Variants in AUH observed in about 807,000 individuals in gnomAD.
The protein encoded by AUH is methylglutaconyl-CoA hydratase, mitochondrial.
AUH carries 29 observed loss-of-function variants against 42.3 expected under a neutral mutation model. That is an observed-to-expected ratio of 0.69 (90% CI 0.51 to 0.93). The LOEUF (loss-of-function observed/expected upper bound fraction) is 0.93, where lower values mean the gene tolerates loss of function less well. Ranked by LOEUF, AUH falls within the 40% of genes least tolerant of loss-of-function variation. AUH has a pLI of 0.00. For missense variants in AUH, 452 were observed against 438.1 expected, an observed-to-expected ratio of 1.03 and a Z score of -0.28; for synonymous variants, 174 against 166.4, an observed-to-expected ratio of 1.05 and a Z score of -0.35.
intron 6 of AUH, among the ~76,000 whole-genome samples, chr9:91,231,518 C>A (rs971378599): frequency 6.6e-6 from 1 of 152,194 alleles, no homozygotes; most frequent in African/African-American, 2.4e-5. Flanking sequence ...CCGTCTTCTG[C>A]GTAGCTCAGG....
At chr9:91,351,636 A>T (rs1248263606) in intron 3 of AUH, among the ~76,000 whole-genome samples, 1 of 152,168 alleles carries the variant, frequency 6.6e-6, no homozygotes, top group Non-Finnish European at 1.5e-5. Context: ...ACACAGCAGG[A>T]GGTGAGCACA....
chr9:91,361,890 G>C lies in AUH; in HGVS notation c.-1C>G. On this transcript the variant is annotated 5_prime_UTR_variant, in exon 1 of 10. Transcript: ENST00000375731. ...GTGCCGCCGCCACCGCGGCCGCCATGTTGTCTGTTTACGGCGTGGACCTGC... is the reference window on the plus strand; with the variant it reads ...GTGCCGCCGCCACCGCGGCCGCCATCTTGTCTGTTTACGGCGTGGACCTGC... 2 of 1,463,632 alleles carry C rather than the reference G, an allele frequency of 1.4e-6. No homozygotes were observed. The highest frequency in any genetic ancestry group is 1.3e-5 in the South Asian group (1 of 76,058). The allele number at this position is 1,463,632 out of a possible 1,614,324, so 90.7% of individuals were successfully genotyped here.
chr9:91,322,620 C>A lies in AUH; in HGVS notation c.505+2698G>T, dbSNP rs141317870. 2.0e-3 allele frequency among the ~76,000 whole-genome samples: 308 copies of A among 152,272 alleles called. 1 individual carries two copies. Among genetic ancestry groups the A allele is most frequent in the African/African-American group, 7.1e-3 (295 of 41,550 alleles). On this transcript the variant is annotated intron_variant, in intron 4 of 9. Coordinates refer to ENST00000375731, the MANE Select transcript of AUH (RefSeq NM_001698.3). The stretch of plus-strand genomic sequence containing the variant: ...TGTCAAATGGTCAAATTCTACAATT[C>A]TTTCAAGTAAAATGATTTGTTCTGT...
At chr9:91,244,191 C>T (rs1234699279) in intron 6 of AUH, among the ~76,000 whole-genome samples, 1 of 152,160 alleles carries the variant, frequency 6.6e-6, no homozygotes, top group South Asian at 2.1e-4. Flanking sequence ...CTACCCACAA[C>T]ATATAAAATG....
intron 4 of AUH, among the ~76,000 whole-genome samples, chr9:91,315,953 G>A (rs118107799): frequency 2.6e-3 from 400 of 152,276 alleles, no homozygotes; most frequent in Non-Finnish European, 4.5e-3. Context: ...TAAAAAATAA[G>A]TCATACTTTC....
intron 6 of AUH, among the ~76,000 whole-genome samples, chr9:91,224,374 T>C (rs922387099): frequency 2.0e-5 from 3 of 152,204 alleles, no homozygotes; most frequent in African/African-American, 7.2e-5. Context: ...TTATCAGATA[T>C]AGACTTGCAA....
At position 91,245,202 on chromosome 9, in the gene AUH, G is replaced by T. The variant is rs545751251; in HGVS notation, c.656-24210C>A. On this transcript the variant is annotated intron_variant, in intron 6 of 9. Transcript: ENST00000375731. ...GAGATTTCAAGTGTGGGCCCAGCAGGTGGGAACTGGAACCACGGCCCACCC... is the reference window on the plus strand; with the variant it reads ...GAGATTTCAAGTGTGGGCCCAGCAGTTGGGAACTGGAACCACGGCCCACCC... Among the ~76,000 whole-genome samples, 10 of 152,286 alleles carry T rather than the reference G, an allele frequency of 6.6e-5. No homozygotes were observed. The South Asian group carries it at 2.1e-3, about 32-fold the overall frequency.
chr9:91,231,616 G>A (rs761427515), intron 6 of AUH, among the ~76,000 whole-genome samples: 13 of 152,070 alleles, frequency 8.5e-5, no homozygotes, highest in Non-Finnish European at 1.8e-4. Context: ...ATTAAGCAGT[G>A]GAATTAAAAA....
In AUH at chr9:91,213,994, A is replaced by G. The variant is rs1445587162; in HGVS notation, c.*354T>C. Reference sequence around the variant, plus strand: ...TATAGAAATTTTATTTTCTTAATGCAGCACAGTAGACATACAATCAATATT... The same window carrying G: ...TATAGAAATTTTATTTTCTTAATGCGGCACAGTAGACATACAATCAATATT... On this transcript the variant is annotated 3_prime_UTR_variant, in exon 10 of 10. Coordinates refer to ENST00000375731, the MANE Select transcript of AUH (RefSeq NM_001698.3). 4.7e-6 allele frequency: 1 copy of G among 211,176 alleles called. No homozygotes were observed. Among genetic ancestry groups the G allele is most frequent in the African/African-American group, 2.3e-5 (1 of 42,954 alleles). 13.1% of individuals were successfully genotyped at this position (211,176 alleles called of 1,614,324 possible).
chr9:91,251,766 T>C (rs1489799998), intron 6 of AUH, among the ~76,000 whole-genome samples: 1 of 152,190 alleles, frequency 6.6e-6, no homozygotes, highest in Non-Finnish European at 1.5e-5. Context: ...AAGCAAAGAA[T>C]AATTCACGCT....
intron 4 of AUH, among the ~76,000 whole-genome samples, chr9:91,313,856 C>G (rs921484749): frequency 1.5e-5 from 2 of 137,382 alleles, no homozygotes; most frequent in Non-Finnish European, 1.5e-5. Flanking sequence ...GAGTTTCACT[C>G]TTGTCGCCCA....
At chr9:91,252,261 G>A (rs764943982) in intron 6 of AUH, among the ~76,000 whole-genome samples, 31 of 151,906 alleles carry the variant, frequency 2.0e-4, no homozygotes, top group African/African-American at 4.6e-4. Context: ...CACCGCAGCC[G>A]GCCGAATTTT....
At chr9:91,316,355 A>G (rs1829156684) in intron 4 of AUH, among the ~76,000 whole-genome samples, 1 of 152,222 alleles carries the variant, frequency 6.6e-6, no homozygotes, top group East Asian at 1.9e-4. Flanking sequence ...CAGGTCCAAT[A>G]AAAACAGTCT....
chr9:91,298,168 T>A, intron 4 of AUH, 92 bp from the exon 5 acceptor site: 1 of 948,232 alleles, frequency 1.1e-6, no homozygotes, highest in Non-Finnish European at 1.7e-6. Context: ...ATTTATGCTT[T>A]AAATGGGAGA....
At chr9:91,336,648 G>A (rs75667459) in intron 3 of AUH, among the ~76,000 whole-genome samples, 7 of 126,066 alleles carry the variant, frequency 5.6e-5, no homozygotes, top group Non-Finnish European at 3.4e-5. Flanking sequence ...AAAAAAAAAA[G>A]AAATGAACCT....
intron 6 of AUH, among the ~76,000 whole-genome samples, chr9:91,225,164 T>G (rs576502919): frequency 1.6e-4 from 25 of 152,332 alleles, no homozygotes; most frequent in African/African-American, 5.8e-4. Context: ...AGTCAAATAG[T>G]GCAGAAAAAC....
intron 3 of AUH, among the ~76,000 whole-genome samples, chr9:91,339,317 G>GCTTATTAT (rs1830927850): frequency 6.6e-6 from 1 of 152,232 alleles, no homozygotes; most frequent in South Asian, 2.1e-4. Flanking sequence ...CCATCATTAA[G>GCTTATTAT]TGAGGGACTG....
At chr9:91,269,898 A>G (rs750906677) in intron 6 of AUH, among the ~76,000 whole-genome samples, 124 of 152,336 alleles carry the variant, frequency 8.1e-4, no homozygotes, top group Non-Finnish European at 1.5e-3. Context: ...AGATCTGTAC[A>G]AACCTTATCT....
intron 4 of AUH, among the ~76,000 whole-genome samples, chr9:91,304,124 A>G (rs971944372): frequency 6.6e-6 from 1 of 152,242 alleles, no homozygotes; most frequent in Admixed American, 6.5e-5. Context: ...AATGAAATGG[A>G]AAAATTCTAC....
Sources: gnomAD v4.1 joint callset for allele counts (sites outside exome capture counted in the v4.1 genomes callset) on GRCh38, gnomAD v4.1.1 for gene constraint, MANE v1.5 for transcripts, NCBI Gene and HGNC (gene_info 2026-07-23, HGNC 2026-07-21) for gene names.